Variants in EYA4 observed in about 807,000 individuals in gnomAD.
EYA4 encodes the protein EYA transcriptional coactivator and phosphatase 4, also known as protein phosphatase EYA4.
EYA4 carries 31 observed loss-of-function variants against 87.9 expected under a neutral mutation model. The ratio of observed to expected loss-of-function variants is 0.35; its 90% CI spans 0.27 to 0.48. The LOEUF is 0.48. Ranked by LOEUF, EYA4 falls within the 20% of genes least tolerant of loss-of-function variation. The probability of loss-of-function intolerance (pLI) is 0.99; values close to 1 mark genes in which losing one functional copy is unlikely to be tolerated. For synonymous variants in EYA4, 263 were observed against 270.6 expected (o/e 0.97, Z 0.28); for missense variants, 678 against 761.4 (o/e 0.89, Z 1.29).
chr6:133,291,442 T>C (rs1778480175), intron 2 of EYA4, among the ~76,000 whole-genome samples: 1 of 152,214 alleles, frequency 6.6e-6, no homozygotes, highest in East Asian at 1.9e-4. Flanking sequence ...CTGCATATAA[T>C]CAGTGTTTTT....
chr6:133,305,410 T>C (rs1779730906), intron 2 of EYA4, among the ~76,000 whole-genome samples: 1 of 152,150 alleles, frequency 6.6e-6, no homozygotes, highest in Admixed American at 6.5e-5. Context: ...TTTTTAGGAA[T>C]GGAGTGGTGA....
intron 2 of EYA4, among the ~76,000 whole-genome samples, chr6:133,343,226 G>A (rs1386466087): frequency 6.6e-6 from 1 of 152,144 alleles, no homozygotes; most frequent in Admixed American, 6.5e-5. Context: ...GAACAAAATT[G>A]TACATATGAA....
chr6:133,258,322 C>T (rs1775513431), intron 1 of EYA4, among the ~76,000 whole-genome samples: 1 of 152,196 alleles, frequency 6.6e-6, no homozygotes, highest in Admixed American at 6.5e-5. Flanking sequence ...GCAAATTATT[C>T]TGCTTCTCAT....
At chr6:133,318,311 A>G (rs1468137457) in intron 2 of EYA4, among the ~76,000 whole-genome samples, 1 of 152,212 alleles carries the variant, frequency 6.6e-6, no homozygotes, top group Non-Finnish European at 1.5e-5. Context: ...AATTACCACA[A>G]GTGTAGAATC....
intron 2 of EYA4, among the ~76,000 whole-genome samples, chr6:133,290,848 T>G (rs1399281260): frequency 6.6e-6 from 1 of 152,194 alleles, no homozygotes; most frequent in East Asian, 1.9e-4. Flanking sequence ...TCACACAAAT[T>G]TGAAAGCATA....
At chr6:133,414,110 G>C (rs1789495492) in intron 3 of EYA4, among the ~76,000 whole-genome samples, 1 of 152,082 alleles carries the variant, frequency 6.6e-6, no homozygotes, top group African/African-American at 2.4e-5. Context: ...CCCTGCATGT[G>C]GTTTTCTCTT....
chr6:133,259,794 A>G (rs549444645), intron 1 of EYA4, among the ~76,000 whole-genome samples: 1 of 152,322 alleles, frequency 6.6e-6, no homozygotes, highest in East Asian at 1.9e-4. Context: ...AATAAAGAAT[A>G]TGACTCACAG....
intron 9 of EYA4, among the ~76,000 whole-genome samples, 156 bp from the exon 10 acceptor site, chr6:133,464,623 A>C (rs1489965195): frequency 6.6e-6 from 1 of 152,160 alleles, no homozygotes; most frequent in Non-Finnish European, 1.5e-5. Flanking sequence ...AGAGGGAGAG[A>C]GCTAAGCCTA....
At position 133,380,865 on chromosome 6, in the gene EYA4, C is replaced by T. The variant is rs1181724012; in HGVS notation, c.34-1527C>T. Among the ~76,000 whole-genome samples the T allele has an allele frequency of 2.7e-5, 4 of 148,518 alleles. No homozygotes were observed. The East Asian group carries it at 6.0e-4, about 22-fold the overall frequency. On this transcript the variant is annotated intron_variant, in intron 2 of 19. Coordinates refer to ENST00000355286, the MANE Select transcript of EYA4 (RefSeq NM_004100.5). ...CCTCCTCCTCCTTGTTCCTCTTCCT[C>T]CTCCTCCTCCTCTTCTTCTTCTTCC...
At chr6:133,420,860 A>G (rs1469992267) in intron 3 of EYA4, among the ~76,000 whole-genome samples, 4 of 152,126 alleles carry the variant, frequency 2.6e-5, no homozygotes, top group Non-Finnish European at 4.4e-5. Context: ...AACTCTTCCC[A>G]CTCAACTTAA....
At chr6:133,271,630 G>C (rs1776696235) in intron 1 of EYA4, among the ~76,000 whole-genome samples, 1 of 152,212 alleles carries the variant, frequency 6.6e-6, no homozygotes, top group East Asian at 1.9e-4. Context: ...CGAGGGCTCA[G>C]TGTTGCTCTC....
At chr6:133,306,069 G>T (rs1779780541) in intron 2 of EYA4, among the ~76,000 whole-genome samples, 1 of 152,088 alleles carries the variant, frequency 6.6e-6, no homozygotes, top group Non-Finnish European at 1.5e-5. Flanking sequence ...CACTTTTCCT[G>T]GCGGTTTTAA....
chr6:133,443,846 G>T (rs1792544185), intron 3 of EYA4, among the ~76,000 whole-genome samples: 1 of 151,826 alleles, frequency 6.6e-6, no homozygotes, highest in Admixed American at 6.6e-5. Context: ...TATTACCATT[G>T]CTTTCTAAAT....
chr6:133,347,838 A>T (rs1783312583), intron 2 of EYA4, among the ~76,000 whole-genome samples: 1 of 152,176 alleles, frequency 6.6e-6, no homozygotes, highest in Non-Finnish European at 1.5e-5. Context: ...TTTCAAACTT[A>T]ATTGGGGCTT....
At chr6:133,457,150 C>T (rs1321452158) in intron 6 of EYA4, among the ~76,000 whole-genome samples, 1 of 152,118 alleles carries the variant, frequency 6.6e-6, no homozygotes, top group African/African-American at 2.4e-5. Context: ...CAGGAGAGCA[C>T]ATGCTGGTTG....
chr6:133,308,872 A>G (rs531810638), intron 2 of EYA4, among the ~76,000 whole-genome samples: 36 of 152,298 alleles, frequency 2.4e-4, no homozygotes, highest in African/African-American at 8.2e-4. Context: ...TTATGCATAG[A>G]AACTTAAATA....
At chr6:133,412,219 T>C (rs928758748) in intron 3 of EYA4, among the ~76,000 whole-genome samples, 6 of 152,214 alleles carry the variant, frequency 3.9e-5, no homozygotes, top group African/African-American at 1.4e-4. Flanking sequence ...ACTTTCATGA[T>C]GTAAGTGTTG....
At chr6:133,484,262 G>A (rs572316118) in intron 13 of EYA4, among the ~76,000 whole-genome samples, 2 of 152,196 alleles carry the variant, frequency 1.3e-5, no homozygotes, top group African/African-American at 4.8e-5. Flanking sequence ...TACATATCAC[G>A]CTTACAGAAA....
At position 133,351,280 on chromosome 6, in the gene EYA4, A is replaced by G. The variant is rs373816396; in HGVS notation, c.34-31112A>G. ...AGTGAGGCCTCTGTACTCTGGCTGG[A>G]TAAAATACAAATGTCTTCTAGCTCC... is the stretch of plus-strand genomic sequence containing the variant. On this transcript the variant is annotated intron_variant, in intron 2 of 19. Coordinates refer to ENST00000355286, the MANE Select transcript of EYA4 (RefSeq NM_004100.5). Among the ~76,000 whole-genome samples, 11 of 152,322 alleles carry G rather than the reference A, an allele frequency of 7.2e-5. 1 individual carries two copies. Among genetic ancestry groups the G allele is most frequent in the East Asian group, 3.9e-4 (2 of 5,186 alleles).
Sources: allele counts gnomAD v4.1 joint callset (sites outside exome capture counted in the v4.1 genomes callset), GRCh38; gene constraint gnomAD v4.1.1; transcripts MANE v1.5; gene names NCBI Gene and HGNC (gene_info 2026-07-23, HGNC 2026-07-21).